The following HS3ST5 variants were observed in gnomAD, a reference collection of about 807,000 sequenced individuals.
The protein encoded by HS3ST5 is heparan sulfate-glucosamine 3-sulfotransferase 5.
Under a neutral mutation model 25.4 loss-of-function variants are expected in HS3ST5, and 10 were observed. The ratio of observed to expected loss-of-function variants is 0.39; its 90% confidence interval spans 0.24 to 0.67. The LOEUF is 0.67. Among genes scored for constraint, HS3ST5 ranks in the 30% least tolerant of loss-of-function variants. The probability of loss-of-function intolerance (pLI) is 0.44; values close to 1 mark genes in which losing one functional copy is unlikely to be tolerated. For synonymous variants in HS3ST5, 170 were observed against 162.4 expected, an observed-to-expected ratio of 1.05 and a Z score of -0.36; for missense variants, 324 against 420.7, an observed-to-expected ratio of 0.77 and a Z score of 2.01.
At chr6:114,208,620 G>A (rs189855541) in intron 2 of HS3ST5, among the ~76,000 whole-genome samples, 37 of 152,234 alleles carry the variant, frequency 2.4e-4, no homozygotes, top group Admixed American at 3.3e-4. Flanking sequence ...TCAAATTGCC[G>A]TGTTGACTCT....
At chr6:114,134,658 T>C (rs968174494) in intron 3 of HS3ST5, among the ~76,000 whole-genome samples, 21 of 152,148 alleles carry the variant, frequency 1.4e-4, no homozygotes, top group African/African-American at 3.9e-4. Flanking sequence ...GGAGAATCAG[T>C]TTTTTAAAAG....
chr6:114,093,526 C>A (rs1468800281), intron 3 of HS3ST5, among the ~76,000 whole-genome samples: 4 of 151,972 alleles, frequency 2.6e-5, no homozygotes, highest in African/African-American at 9.7e-5. Context: ...TTCATTTCGC[C>A]TACCTTCTTC....
At chr6:114,166,656 T>C (rs1237422776) in intron 3 of HS3ST5, among the ~76,000 whole-genome samples, 6 of 152,164 alleles carry the variant, frequency 3.9e-5, no homozygotes, top group Non-Finnish European at 5.9e-5. Flanking sequence ...ACAGTGAACC[T>C]AGGAATGAGA....
chr6:114,170,582 C>T (rs760605583), intron 2 of HS3ST5, among the ~76,000 whole-genome samples: 4 of 152,048 alleles, frequency 2.6e-5, no homozygotes, highest in Non-Finnish European at 5.9e-5. Context: ...CGGATCAAAG[C>T]GAGTATACCA....
At chr6:114,122,501 A>G (rs1446087929) in intron 3 of HS3ST5, among the ~76,000 whole-genome samples, 1 of 152,210 alleles carries the variant, frequency 6.6e-6, no homozygotes, top group Non-Finnish European at 1.5e-5. Flanking sequence ...CTGGAATTCT[A>G]AATTTTCAAC....
At chr6:114,092,527 T>C (rs920857865) in intron 3 of HS3ST5, among the ~76,000 whole-genome samples, 10 of 152,194 alleles carry the variant, frequency 6.6e-5, no homozygotes, top group African/African-American at 2.4e-4. Flanking sequence ...GAGAAAGTCA[T>C]GCAGACCTTA....
chr6:114,334,408 A>G (rs1160252166), intron 1 of HS3ST5, among the ~76,000 whole-genome samples: 1 of 152,198 alleles, frequency 6.6e-6, no homozygotes, highest in African/African-American at 2.4e-5. Flanking sequence ...AGCTCACCAG[A>G]TGAGGACATT....
At chr6:114,110,831 G>A (rs1776230403) in intron 3 of HS3ST5, among the ~76,000 whole-genome samples, 2 of 152,204 alleles carry the variant, frequency 1.3e-5, no homozygotes, top group African/African-American at 2.4e-5. Flanking sequence ...GCTTCAATTA[G>A]TTTGACAAAA....
intron 1 of HS3ST5, among the ~76,000 whole-genome samples, chr6:114,280,487 T>C (rs1023974568): frequency 2.6e-5 from 4 of 151,980 alleles, no homozygotes; most frequent in African/African-American, 9.7e-5. Context: ...GGAAAGAGAA[T>C]CTGGGCCAGC....
At chr6:114,165,783 A>C (rs1779180840) in intron 3 of HS3ST5, among the ~76,000 whole-genome samples, 1 of 152,138 alleles carries the variant, frequency 6.6e-6, no homozygotes, top group Non-Finnish European at 1.5e-5. Context: ...ATTTTTAAAC[A>C]TATTAGTTAA....
At chr6:114,163,131 C>T (rs1199604275) in intron 3 of HS3ST5, among the ~76,000 whole-genome samples, 1 of 152,098 alleles carries the variant, frequency 6.6e-6, no homozygotes, top group Non-Finnish European at 1.5e-5. Context: ...TGTGGTATTT[C>T]AGAGCAGCAA....
intron 1 of HS3ST5, among the ~76,000 whole-genome samples, chr6:114,259,549 G>A (rs1773076612): frequency 1.3e-5 from 2 of 152,146 alleles, no homozygotes. Context: ...GAGAGGACAC[G>A]TGTACCCCAC....
chr6:114,282,623 A>G (rs1330462829), intron 1 of HS3ST5, among the ~76,000 whole-genome samples: 1 of 151,892 alleles, frequency 6.6e-6, no homozygotes, highest in Non-Finnish European at 1.5e-5. Context: ...ATGTTAATAC[A>G]CTGTATTGAA....
At chr6:114,241,143 T>G (rs184201909) in intron 1 of HS3ST5, among the ~76,000 whole-genome samples, 5,976 of 150,806 alleles carry the variant, frequency 0.04, 182 homozygotes, top group Non-Finnish European at 0.063. Flanking sequence ...TTTTTTTTTT[T>G]TTTTTTTTTT....
chr6:114,213,436 G>T (rs1781609654), intron 2 of HS3ST5, among the ~76,000 whole-genome samples: 2 of 151,898 alleles, frequency 1.3e-5, no homozygotes, highest in Admixed American at 6.6e-5. Context: ...CTGGGCTGTG[G>T]GTCCAGACTT....
intron 2 of HS3ST5, among the ~76,000 whole-genome samples, chr6:114,190,453 T>C (rs568906516): frequency 7.2e-5 from 11 of 152,358 alleles, no homozygotes; most frequent in Admixed American, 2.0e-4. Context: ...TCCTAGTGCA[T>C]GCATTTTGGC....
intron 1 of HS3ST5, among the ~76,000 whole-genome samples, chr6:114,231,756 T>C (rs1416290876): frequency 1.2e-5 from 1 of 83,968 alleles, no homozygotes; most frequent in Non-Finnish European, 2.7e-5. Context: ...TGCCCTATTC[T>C]ATTTAAAAAA....
intron 3 of HS3ST5, among the ~76,000 whole-genome samples, chr6:114,152,716 T>A (rs951752363): frequency 1.3e-5 from 2 of 152,166 alleles, no homozygotes; most frequent in Admixed American, 1.3e-4. Flanking sequence ...ACACATTTTC[T>A]CTTCCTGTGG....
intron 1 of HS3ST5, among the ~76,000 whole-genome samples, chr6:114,235,420 CCTAGATGATCAG>C (rs943813394): frequency 2.0e-5 from 3 of 151,602 alleles, no homozygotes; most frequent in Non-Finnish European, 4.4e-5. Context: ...CATTGTAACC[CCTAGATGATCAG>C]CTTTCTGTGA....
Sources: allele counts gnomAD v4.1 joint callset (sites outside exome capture counted in the v4.1 genomes callset), GRCh38; gene constraint gnomAD v4.1.1; transcripts MANE v1.5; gene names NCBI Gene and HGNC (gene_info 2026-07-23, HGNC 2026-07-21).